SMOC1: variants seen among roughly 807,000 people sequenced by gnomAD.
SMOC1 encodes the protein SPARC-related modular calcium-binding protein 1.
In SMOC1, 22 loss-of-function variants were observed where a neutral mutation model predicts 56.3. That is an observed-to-expected ratio of 0.39 (90% CI 0.28 to 0.56). SMOC1 has a LOEUF of 0.56. Ranked by LOEUF, SMOC1 falls within the 20% of genes least tolerant of loss-of-function variation. The pLI is 0.61. For missense variants in SMOC1, 509 were observed against 565.4 expected, an observed-to-expected ratio of 0.90 and a Z score of 1.01; for synonymous variants, 193 against 215.0, an observed-to-expected ratio of 0.90 and a Z score of 0.89.
chr14:69,901,313 T>A (rs535116450), intron 1 of SMOC1, among the ~76,000 whole-genome samples: 2 of 152,362 alleles, frequency 1.3e-5, no homozygotes, highest in South Asian at 4.1e-4. Flanking sequence ...TTTTGACTCA[T>A]TTCCTCACTC....
chr14:70,010,201 G>T (rs900698694), intron 7 of SMOC1, among the ~76,000 whole-genome samples: 2 of 152,228 alleles, frequency 1.3e-5, no homozygotes, highest in African/African-American at 4.8e-5. Flanking sequence ...AGCCTTGGAG[G>T]GTGGGGAGAA....
intron 8 of SMOC1, 123 bp from the exon 9 acceptor site, chr14:70,011,362 T>C (rs1424333417): frequency 3.3e-6 from 3 of 906,100 alleles, no homozygotes; most frequent in Admixed American, 1.8e-5. Flanking sequence ...GCAAGAGATA[T>C]CGTTCTGCCC....
chr14:69,938,970 C>T (rs1017664624), intron 1 of SMOC1, among the ~76,000 whole-genome samples: 9 of 152,154 alleles, frequency 5.9e-5, no homozygotes, highest in African/African-American at 1.7e-4. Context: ...GCACGCATGT[C>T]GCTGTGTTCA....
intron 5 of SMOC1, among the ~76,000 whole-genome samples, chr14:69,990,793 T>C (rs534543504): frequency 1.3e-5 from 2 of 152,330 alleles, no homozygotes; most frequent in African/African-American, 4.8e-5. Flanking sequence ...ACATCTCATT[T>C]CTTGGGATGA....
intron 10 of SMOC1, among the ~76,000 whole-genome samples, chr14:70,018,933 C>T (rs1885615542): frequency 1.3e-5 from 2 of 152,348 alleles, no homozygotes; most frequent in South Asian, 2.1e-4. Context: ...CTCAGTTGGT[C>T]TGCTTGGCTT....
rs56803424 is a variant in SMOC1 at position 70,008,393 on chromosome 14, C to G, written c.665-2361C>G. On this transcript the variant is annotated intron_variant, in intron 7 of 11. Coordinates refer to ENST00000361956, the MANE Select transcript of SMOC1 (RefSeq NM_001034852.3). ...GGGGTAAGCAATCTGCCTGCCTCAG[C>G]CTTTCCAAATGCTGGGATTATAGGC... Among the ~76,000 whole-genome samples the G allele has an allele frequency of 3.6e-3, 545 of 152,334 alleles. 16 individuals carry two copies. In the South Asian group the frequency reaches 0.068, roughly 19 times the overall value.
intron 7 of SMOC1, among the ~76,000 whole-genome samples, chr14:69,994,691 G>T (rs767780567): frequency 3.3e-5 from 5 of 152,086 alleles, no homozygotes; most frequent in Non-Finnish European, 7.4e-5. Flanking sequence ...TTCTTAGGTC[G>T]TTGATCCTCT....
At chr14:69,881,710 G>A (rs1883645634) in intron 1 of SMOC1, among the ~76,000 whole-genome samples, 2 of 151,996 alleles carry the variant, frequency 1.3e-5, no homozygotes, top group Non-Finnish European at 2.9e-5. Flanking sequence ...ACATCTTGGT[G>A]TGTTTAGAAA....
At chr14:69,918,419 G>A (rs191347575) in intron 1 of SMOC1, among the ~76,000 whole-genome samples, 329 of 152,160 alleles carry the variant, frequency 2.2e-3, no homozygotes, top group African/African-American at 7.8e-3. Flanking sequence ...GTAGAGACAG[G>A]GTTTCACCAT....
Position 69,954,075 on chromosome 14 carries a change from C to A in SMOC1, c.378+543C>A, listed in dbSNP as rs532192977. On this transcript the variant is annotated intron_variant, in intron 3 of 11. Transcript: ENST00000361956. ...CTCAGATTTTAAAACCTAAGTCAGGCAGTCCTACCTCTCATCTTGCATGAT... is the reference window on the plus strand; with the variant it reads ...CTCAGATTTTAAAACCTAAGTCAGGAAGTCCTACCTCTCATCTTGCATGAT... Among the ~76,000 whole-genome samples, 9 of 152,292 alleles carry A rather than the reference C, an allele frequency of 5.9e-5. No homozygotes were observed. In the South Asian group the frequency reaches 1.7e-3, roughly 28 times the overall value.
chr14:69,902,756 G>A (rs1189434086), intron 1 of SMOC1, among the ~76,000 whole-genome samples: 14 of 152,308 alleles, frequency 9.2e-5, no homozygotes, highest in Admixed American at 2.0e-4. Context: ...GCCTGCGATT[G>A]CAGGCGCGCG....
intron 3 of SMOC1, among the ~76,000 whole-genome samples, chr14:69,965,404 T>TAATAATAATAATAATAAA (rs761154559): frequency 0.043 from 6,350 of 149,338 alleles, 262 homozygotes; most frequent in Admixed American, 0.12. Flanking sequence ...ATAATAATAA[T>TAATAATAATAATAATAAA]AAAAAGATGA....
intron 11 of SMOC1, among the ~76,000 whole-genome samples, chr14:70,024,291 G>T (rs558329565): frequency 3.3e-5 from 5 of 152,120 alleles, no homozygotes; most frequent in Non-Finnish European, 5.9e-5. Flanking sequence ...GACTCTAAGG[G>T]ACAGACAGCC....
At chr14:69,985,233 A>T (rs1884325067) in intron 5 of SMOC1, among the ~76,000 whole-genome samples, 1 of 152,228 alleles carries the variant, frequency 6.6e-6, no homozygotes, top group African/African-American at 2.4e-5. Context: ...AAGAAAAAGT[A>T]GTGTCAACAC....
chr14:69,961,625 G>A (rs1235386094), intron 3 of SMOC1, among the ~76,000 whole-genome samples: 4 of 151,936 alleles, frequency 2.6e-5, no homozygotes, highest in Non-Finnish European at 4.4e-5. Flanking sequence ...CAAATGATAT[G>A]CCCACCTCAG....
intron 2 of SMOC1, 66 bp from the exon 3 acceptor site, chr14:69,953,342 GTTTTCTCAGCCA>G: frequency 7.2e-7 from 1 of 1,392,018 alleles, no homozygotes; most frequent in South Asian, 1.2e-5. Flanking sequence ...AGGTGGAGTG[GTTTTCTCAGCCA>G]TTTTGTCCCT....
At chr14:69,971,319 C>T (rs555049276) in intron 3 of SMOC1, among the ~76,000 whole-genome samples, 9 of 152,284 alleles carry the variant, frequency 5.9e-5, no homozygotes, top group African/African-American at 1.9e-4. Flanking sequence ...CACCTGGCCC[C>T]GCTCCCCCTG....
chr14:69,989,344 A>T (rs1884482019), intron 5 of SMOC1, among the ~76,000 whole-genome samples: 1 of 152,168 alleles, frequency 6.6e-6, no homozygotes, highest in Non-Finnish European at 1.5e-5. Flanking sequence ...TCTTTGGTGA[A>T]ATGTCTGTCA....
intron 3 of SMOC1, among the ~76,000 whole-genome samples, chr14:69,972,318 G>A (rs1165356606): frequency 1.3e-5 from 2 of 152,062 alleles, no homozygotes; most frequent in Non-Finnish European, 2.9e-5. Flanking sequence ...TGATTCACTC[G>A]GGGCTCCTTC....
Sources: gnomAD v4.1 joint callset for allele counts (sites outside exome capture counted in the v4.1 genomes callset) on GRCh38, gnomAD v4.1.1 for gene constraint, MANE v1.5 for transcripts, NCBI Gene and HGNC (gene_info 2026-07-23, HGNC 2026-07-21) for gene names.